Variants in MUC20 observed in about 807,000 individuals in gnomAD.
MUC20 encodes mucin-20.
Under a neutral mutation model 23.8 loss-of-function variants are expected in MUC20, and 14 were observed. That is an observed-to-expected ratio of 0.59 (90% CI 0.39 to 0.92). The LOEUF is 0.92. Ranked by LOEUF, MUC20 falls within the 40% of genes least tolerant of loss-of-function variation. MUC20 has a pLI of 0.00. For synonymous variants in MUC20, 166 were observed against 279.3 expected, an observed-to-expected ratio of 0.59 and a Z score of 4.04; for missense variants, 375 against 668.8, an observed-to-expected ratio of 0.56 and a Z score of 4.85.
intron 3 of MUC20, among the ~76,000 whole-genome samples, chr3:195,732,469 C>T (rs886118797): frequency 1.3e-5 from 2 of 152,238 alleles, no homozygotes; most frequent in South Asian, 2.1e-4. Context: ...AAGCAATTCT[C>T]CTGCCTCAAC....
intron 2 of MUC20, 21 bp from the exon 3 acceptor site, chr3:195,729,627 C>T (rs758057721): frequency 6.4e-7 from 1 of 1,560,862 alleles, no homozygotes; most frequent in Admixed American, 1.9e-5. Context: ...TGATTTTCAT[C>T]TTACTGTTCT....
chr3:195,729,655 T>TG lies in MUC20; in HGVS notation c.1979dup (p.Gly661ArgfsTer17), dbSNP rs1421760096. On this transcript the variant is annotated frameshift_variant, in exon 3 of 4. Coordinates refer to ENST00000447234, the MANE Select transcript of MUC20 (RefSeq NM_001282506.2). LOFTEE classifies it high-confidence loss of function. ...ACTGTTCTCCATTTGCAGGTGAAAA[T>TG]GGAGGTTTCCTCCTCCTGCGGCTGA... 1.9e-6 allele frequency: 3 copies of TG among 1,581,186 alleles called. No individual in the cohort carries two copies. The African/African-American group carries it at 4.0e-5, about 21-fold the overall frequency.
intron 3 of MUC20, 21 bp from the exon 4 acceptor site, chr3:195,733,129 G>C (rs766999413): frequency 6.4e-7 from 1 of 1,574,052 alleles, no homozygotes; most frequent in Admixed American, 1.8e-5. Flanking sequence ...TGAAAGGACA[G>C]CTGGCTCTTT....
In MUC20 at chr3:195,733,333, G is replaced by T. The variant is rs549083769; in HGVS notation, c.*115G>T. 14 of 1,518,492 alleles carry T rather than the reference G, an allele frequency of 9.2e-6. No homozygotes were observed. Among genetic ancestry groups the T allele is most frequent in the South Asian group, 2.5e-5 (2 of 79,210 alleles). 94.1% of individuals were successfully genotyped at this position (1,518,492 alleles called of 1,614,324 possible). On this transcript the variant is annotated 3_prime_UTR_variant, in exon 4 of 4. Coordinates refer to ENST00000447234, the MANE Select transcript of MUC20 (RefSeq NM_001282506.2). ...TACTGTGCTGAGAGGTACCCAGAAG[G>T]TTCCCATGAAGGGCAGCATGTCCAA...
At chr3:195,730,836 G>A (rs1381881863) in intron 3 of MUC20, among the ~76,000 whole-genome samples, 1 of 152,240 alleles carries the variant, frequency 6.6e-6, no homozygotes, top group Non-Finnish European at 1.5e-5. Flanking sequence ...GGATGTATTT[G>A]TACAAGTTGG....
intron 3 of MUC20, among the ~76,000 whole-genome samples, chr3:195,730,348 T>C (rs572483161): frequency 6.6e-6 from 1 of 152,378 alleles, no homozygotes; most frequent in Admixed American, 6.5e-5. Context: ...TTTTTCTTTC[T>C]TTCTTTTTGT....
intron 2 of MUC20, among the ~76,000 whole-genome samples, chr3:195,728,911 G>A (rs567433573): frequency 1.3e-4 from 20 of 152,350 alleles, no homozygotes; most frequent in East Asian, 5.8e-4. Context: ...CACAGCCCTA[G>A]ATCCCTTAAA....
chr3:195,728,629 A>G (rs1451575484), intron 2 of MUC20, among the ~76,000 whole-genome samples: 2 of 151,886 alleles, frequency 1.3e-5, no homozygotes, highest in Non-Finnish European at 2.9e-5. Flanking sequence ...CTCTATCTCA[A>G]CTGCAAGAGG....
chr3:195,731,528 GCC>G (rs1272107827), intron 3 of MUC20, among the ~76,000 whole-genome samples: 11 of 152,236 alleles, frequency 7.2e-5, no homozygotes, highest in African/African-American at 2.7e-4. Flanking sequence ...AGGCAGGAGG[GCC>G]CCCAGGAGCT....
rs576583765 is a variant in MUC20 at position 195,730,704 on chromosome 3, A to G, written c.2061+965A>G. Among the ~76,000 whole-genome samples the G allele has an allele frequency of 6.6e-5, 10 of 152,336 alleles. No individual in the cohort carries two copies. The South Asian group carries it at 2.1e-3, about 32-fold the overall frequency. The stretch of plus-strand genomic sequence containing the variant: ...GGAAGTGCAGGTCTCCATGGCCTGC[A>G]AGGGTCACCATGACTGACAACCCAG... On this transcript the variant is annotated intron_variant, in intron 3 of 3. Transcript: ENST00000447234.
rs61505505 is a variant in MUC20 at position 195,730,767 on chromosome 3, T to C, written c.2061+1028T>C. Among the ~76,000 whole-genome samples, 12 of 151,950 alleles carry C rather than the reference T, an allele frequency of 7.9e-5. No homozygotes were observed. The East Asian group carries it at 2.3e-3, about 30-fold the overall frequency. ...AGAGGAAGGATGAGCCCCAAGAAAA[T>C]AGGGAGGCTAGGCAGAAAAAACCGC... On this transcript the variant is annotated intron_variant, in intron 3 of 3. Coordinates refer to ENST00000447234, the MANE Select transcript of MUC20 (RefSeq NM_001282506.2).
intron 3 of MUC20, among the ~76,000 whole-genome samples, chr3:195,732,738 A>G (rs1410116214): frequency 3.3e-5 from 5 of 152,256 alleles, no homozygotes; most frequent in African/African-American, 1.2e-4. Flanking sequence ...CCGCGAGATC[A>G]GGAGCAGGTC....
Position 195,733,310 on chromosome 3 carries a change from C to G in MUC20, c.*92C>G. On this transcript the variant is annotated 3_prime_UTR_variant, in exon 4 of 4. Coordinates refer to ENST00000447234, the MANE Select transcript of MUC20 (RefSeq NM_001282506.2). ...CCACCGACAGACTGCAGCTGCGTTA[C>G]TGTGCTGAGAGGTACCCAGAAGGTT... is the stretch of plus-strand genomic sequence containing the variant. 1 of 1,545,454 alleles carries G rather than the reference C, an allele frequency of 6.5e-7. No individual in the cohort carries two copies. Among genetic ancestry groups the G allele is most frequent in the Non-Finnish European group, 8.7e-7 (1 of 1,143,794 alleles).
chr3:195,730,520 G>GGT (rs571393078), intron 3 of MUC20, among the ~76,000 whole-genome samples: 2 of 148,386 alleles, frequency 1.3e-5, no homozygotes, highest in African/African-American at 2.5e-5. Flanking sequence ...TAATTTTTAT[G>GGT]TTTTTTTTTT....
At chr3:195,727,507 A>G (rs1487134147) in intron 2 of MUC20, among the ~76,000 whole-genome samples, 3 of 152,272 alleles carry the variant, frequency 2.0e-5, no homozygotes, top group Admixed American at 1.3e-4. Context: ...GCTTCTGGTC[A>G]GCCTGTAGCC....
At chr3:195,721,549 A>AT (rs1269209368) in intron 1 of MUC20, among the ~76,000 whole-genome samples, 9 of 151,554 alleles carry the variant, frequency 5.9e-5, no homozygotes, top group Middle Eastern at 3.2e-3. Flanking sequence ...CAAAATACAG[A>AT]TTTCGTGTGA....
chr3:195,727,129 G>A (rs1463169908), intron 2 of MUC20, among the ~76,000 whole-genome samples: 11 of 152,284 alleles, frequency 7.2e-5, no homozygotes, highest in African/African-American at 2.4e-4. Flanking sequence ...GCCTGGAGCG[G>A]TGGCTTATGC....
chr3:195,723,176 G>A (rs1350538395), intron 1 of MUC20, among the ~76,000 whole-genome samples: 144 of 150,484 alleles, frequency 9.6e-4, no homozygotes, highest in African/African-American at 3.4e-3. Flanking sequence ...GGAGCCAGTC[G>A]TGGGCGGCAC....
At chr3:195,721,517 A>C (rs1311377523) in intron 1 of MUC20, among the ~76,000 whole-genome samples, 3 of 151,670 alleles carry the variant, frequency 2.0e-5, no homozygotes, top group Non-Finnish European at 4.4e-5. Flanking sequence ...CTCCCAGTTT[A>C]TTACCTAGCA....
Sources: gnomAD v4.1 joint callset for allele counts (sites outside exome capture counted in the v4.1 genomes callset) on GRCh38, gnomAD v4.1.1 for gene constraint, MANE v1.5 for transcripts, NCBI Gene and HGNC (gene_info 2026-07-23, HGNC 2026-07-21) for gene names.